CEMIP2: variants seen among roughly 807,000 people sequenced by gnomAD.
CEMIP2 encodes the protein cell surface hyaluronidase CEMIP2.
In CEMIP2, 79 loss-of-function variants were observed where a neutral mutation model predicts 146.9. That is an observed-to-expected ratio of 0.54 (90% CI 0.45 to 0.65). The LOEUF (loss-of-function observed/expected upper bound fraction) is 0.65, where lower values mean the gene tolerates loss of function less well. CEMIP2 is among the 30% of genes least tolerant of loss of function. The pLI, the probability that CEMIP2 is intolerant of heterozygous loss-of-function variation, is 0.00. For missense variants in CEMIP2, 1,596 were observed against 1,696.2 expected, an observed-to-expected ratio of 0.94 and a Z score of 1.04; for synonymous variants, 601 against 606.3, an observed-to-expected ratio of 0.99 and a Z score of 0.13.
intron 16 of CEMIP2, 39 bp downstream of exon 16, chr9:71,712,044 C>T (rs750116156): frequency 7.6e-6 from 12 of 1,587,628 alleles, no homozygotes; most frequent in Non-Finnish European, 1.0e-5. Context: ...CTCCTTTTTT[C>T]ACCATAGTCA....
Position 71,712,080 on chromosome 9 carries a change from T to TA in CEMIP2, c.2769+2dup, listed in dbSNP as rs778092702. The TA allele has an allele frequency of 3.1e-6, 5 of 1,613,764 alleles. No homozygotes were observed. In the Admixed American group the frequency reaches 8.3e-5, roughly 27 times the overall value. On this transcript the variant is annotated splice_region_variant and intron_variant, in intron 16 of 23. Transcript: ENST00000377044. ...CTACGTAAGAACTACAGAACATACTTACATGTGGACCAAACTTCACGAGGG... is the reference window on the plus strand; with the variant it reads ...CTACGTAAGAACTACAGAACATACTTAACATGTGGACCAAACTTCACGAGGG...
intron 22 of CEMIP2, 177 bp from the exon 23 acceptor site, chr9:71,686,023 A>C: frequency 3.4e-6 from 2 of 588,730 alleles, no homozygotes; most frequent in Non-Finnish European, 3.0e-6. Context: ...CCCCACCACC[A>C]TGGGCTTCAC....
Position 71,762,503 on chromosome 9 carries a change from CAAAAA to C in CEMIP2, c.-13+5849_-13+5853del, listed in dbSNP as rs58090104. On this transcript the variant is annotated intron_variant, in intron 1 of 23. Transcript: ENST00000377044. ...CAAGACCCCATGCCAGCCCCGTCAC[CAAAAA>C]AAAAAAAAAAAAAAAAAACTGGCTA... is the stretch of plus-strand genomic sequence containing the variant. Among the ~76,000 whole-genome samples, 125 of 79,734 alleles carry C rather than the reference CAAAAA, an allele frequency of 1.6e-3. 1 individual carries two copies. The highest frequency in any genetic ancestry group is 9.4e-3 in the Middle Eastern group (1 of 106). The allele number at this position is 79,734 out of a possible 152,430, so 52.3% of individuals were successfully genotyped here. A position where few individuals can be genotyped will look rare whatever the true frequency, so the allele number is the denominator to read the frequency against.
At chr9:71,704,975 A>G in intron 17 of CEMIP2, 172 bp from the exon 18 acceptor site, 1 of 610,980 alleles carries the variant, frequency 1.6e-6, no homozygotes, top group South Asian at 2.0e-5. Flanking sequence ...AGTGCAGCCT[A>G]CTTAAACTAG....
At chr9:71,697,944 T>A in intron 20 of CEMIP2, 41 bp downstream of exon 20, 2 of 1,589,452 alleles carry the variant, frequency 1.3e-6, no homozygotes, top group Non-Finnish European at 8.6e-7. Flanking sequence ...ACCCTCTGAC[T>A]TTTTCTCCTT....
At chr9:71,691,420 G>GGAAAAA (rs1235214168) in intron 21 of CEMIP2, among the ~76,000 whole-genome samples, 6 of 127,000 alleles carry the variant, frequency 4.7e-5, no homozygotes, top group African/African-American at 1.7e-4. Flanking sequence ...TCTGTCTCAG[G>GGAAAAA]AAAAAAAAAA....
intron 12 of CEMIP2, among the ~76,000 whole-genome samples, chr9:71,719,139 G>C (rs1012042938): frequency 6.6e-6 from 1 of 151,654 alleles, no homozygotes. Flanking sequence ...ACGAACGGAA[G>C]AAAAAAAGAA....
chr9:71,696,458 T>C (rs1485913355), intron 20 of CEMIP2, among the ~76,000 whole-genome samples: 4 of 143,110 alleles, frequency 2.8e-5, no homozygotes, highest in Non-Finnish European at 4.6e-5. Flanking sequence ...CTAAGACTGA[T>C]AGTAGAGTTG....
At chr9:71,717,817 C>A in intron 13 of CEMIP2, 131 bp downstream of exon 13, 1 of 863,398 alleles carries the variant, frequency 1.2e-6, no homozygotes, top group South Asian at 3.0e-5. Context: ...TTCCTCAGAG[C>A]TTGTCCTGTC....
intron 22 of CEMIP2, chr9:71,687,468 G>GTGTGTA (rs1554679330): frequency 6.6e-6 from 1 of 151,076 alleles, no homozygotes; most frequent in African/African-American, 2.4e-5. Context: ...TTTTCTGTGT[G>GTGTGTA]TGTGTGTGTG....
chr9:71,730,405 A>T (rs1196122108), intron 8 of CEMIP2, 152 bp from the exon 9 acceptor site: 3 of 771,248 alleles, frequency 3.9e-6, no homozygotes, highest in Non-Finnish European at 6.2e-6. Flanking sequence ...GGCTTAATTT[A>T]TCTCTGAAGG....
chr9:71,755,961 CAAAAAAAAAAAAAAAAAAA>C (rs55972127), intron 1 of CEMIP2, among the ~76,000 whole-genome samples: 3 of 52,892 alleles, frequency 5.7e-5, no homozygotes, highest in South Asian at 5.9e-4. Flanking sequence ...CTCTGTCTCA[CAAAAAAAAAAAAAAAAAAA>C]AAAAAAAAAA....
At chr9:71,705,831 G>A (rs1251630426) in intron 17 of CEMIP2, among the ~76,000 whole-genome samples, 1 of 150,860 alleles carries the variant, frequency 6.6e-6, no homozygotes. Context: ...ATATATATAG[G>A]AGGCTGTACA....
At chr9:71,694,216 G>A (rs561885808) in intron 21 of CEMIP2, among the ~76,000 whole-genome samples, 17 of 151,988 alleles carry the variant, frequency 1.1e-4, no homozygotes, top group African/African-American at 3.4e-4. Context: ...TCCGCCTCCC[G>A]GGTTCAGGCC....
At chr9:71,767,984 C>T (rs1017244021) in intron 1 of CEMIP2, among the ~76,000 whole-genome samples, 3 of 152,180 alleles carry the variant, frequency 2.0e-5, no homozygotes, top group Non-Finnish European at 2.9e-5. Flanking sequence ...CATCCCTCTC[C>T]AGAAAGTTTA....
chr9:71,754,391 C>CCT (rs1480621586), intron 1 of CEMIP2, among the ~76,000 whole-genome samples: 2 of 152,074 alleles, frequency 1.3e-5, no homozygotes, highest in African/African-American at 4.8e-5. Flanking sequence ...ACAATGTAGT[C>CCT]CTCTCTGGCT....
In CEMIP2 at chr9:71,685,773, A is replaced by G. The variant is rs1250528915; in HGVS notation, c.3925T>C (p.Leu1309=). The G allele has an allele frequency of 6.2e-7, 1 of 1,613,980 alleles. No individual in the cohort carries two copies. The highest frequency in any genetic ancestry group is 1.3e-5 in the African/African-American group (1 of 74,928). The change falls in exon 23 of 24, where the codon TTA becomes CTA. Residue 1309 remains leucine, a synonymous_variant. Coordinates refer to ENST00000377044, the MANE Select transcript of CEMIP2 (RefSeq NM_013390.3). ...TCATAAAGATGAGCTGGTTTGGCTA[A>G]TCCCAGAGGTACTAGTAAGTGTGAA... The part of the protein sequence containing the change: ...NISHLLVPLG[L]AKPAHLYDKG...
chr9:71,758,180 G>A (rs1824521559), intron 1 of CEMIP2, among the ~76,000 whole-genome samples: 1 of 152,094 alleles, frequency 6.6e-6, no homozygotes, highest in Non-Finnish European at 1.5e-5. Flanking sequence ...ACGGACATAT[G>A]GTTGAAACAA....
At chr9:71,718,468 T>C (rs1160077698) in intron 12 of CEMIP2, among the ~76,000 whole-genome samples, 21 of 152,214 alleles carry the variant, frequency 1.4e-4, no homozygotes, top group Admixed American at 1.4e-3. Context: ...AACATACATA[T>C]ATGTGAACTA....
Sources: gnomAD v4.1 joint callset for allele counts (sites outside exome capture counted in the v4.1 genomes callset) on GRCh38, gnomAD v4.1.1 for gene constraint, MANE v1.5 for transcripts, NCBI Gene and HGNC (gene_info 2026-07-23, HGNC 2026-07-21) for gene names.